Variants in PARP15 observed in about 807,000 individuals in gnomAD.
PARP15 encodes the protein poly(ADP-ribose) polymerase family member 15, also known as protein mono-ADP-ribosyltransferase PARP15.
PARP15 carries 50 observed loss-of-function variants against 62.1 expected under a neutral mutation model. The observed-to-expected ratio is 0.81, with a 90% CI of 0.64 to 1.02. The LOEUF is 1.02. Among genes scored for constraint, PARP15 ranks in the 50% least tolerant of loss-of-function variants. PARP15 has a pLI of 0.00. For missense variants in PARP15, 820 were observed against 826.5 expected, an observed-to-expected ratio of 0.99 and a Z score of 0.10; for synonymous variants, 309 against 293.1, an observed-to-expected ratio of 1.05 and a Z score of -0.55.
intron 1 of PARP15, among the ~76,000 whole-genome samples, chr3:122,585,293 G>C (rs1933330180): frequency 6.6e-6 from 1 of 152,210 alleles, no homozygotes; most frequent in African/African-American, 2.4e-5. Flanking sequence ...GCTGCAGAGA[G>C]TAGTGTTTGC....
At chr3:122,611,778 A>G (rs147664704) in intron 3 of PARP15, among the ~76,000 whole-genome samples, 4,902 of 149,388 alleles carry the variant, frequency 0.033, 272 homozygotes, top group African/African-American at 0.11. Context: ...GCAATGGCAC[A>G]ATCTTGGCTC....
chr3:122,600,792 C>CCT (rs527288579), intron 1 of PARP15, among the ~76,000 whole-genome samples: 2,142 of 144,148 alleles, frequency 0.015, 47 homozygotes, highest in African/African-American at 0.049. Flanking sequence ...TCATTATTAC[C>CCT]TTTTTTTTTT....
At chr3:122,627,714 A>C (rs531594601) in intron 9 of PARP15, among the ~76,000 whole-genome samples, 1 of 152,354 alleles carries the variant, frequency 6.6e-6, no homozygotes, top group Admixed American at 6.5e-5. Context: ...GATAAGGCAC[A>C]TATGCCATCA....
At chr3:122,615,043 A>G (rs921559043) in intron 4 of PARP15, 2 of 966,302 alleles carry the variant, frequency 2.1e-6, no homozygotes, top group Non-Finnish European at 2.5e-6. Context: ...AAAAAAAAAA[A>G]AAAGAAAAGA....
At chr3:122,610,960 T>C (rs1935524444) in intron 3 of PARP15, among the ~76,000 whole-genome samples, 1 of 152,168 alleles carries the variant, frequency 6.6e-6, no homozygotes, top group South Asian at 2.1e-4. Flanking sequence ...TGTGAAACCC[T>C]CGTATTGATT....
rs1397279287 is a variant in PARP15 at position 122,610,611 on chromosome 3, C to T, written c.424C>T (p.Arg142Trp). The T allele has an allele frequency of 1.6e-5, 25 of 1,551,464 alleles. No individual in the cohort carries two copies. Among genetic ancestry groups the T allele is most frequent in the Middle Eastern group, 1.7e-4 (1 of 6,014 alleles). ...CCAGAAAGAGTTAGATGACAGAAGG[C>T]GGGAAACAGAGGAAAAAGTAGGTAA... Reference protein sequence around the residue: ...MLQKELDDRRRETEEKVGNIF... With the variant: ...MLQKELDDRRWETEEKVGNIF... The change falls in exon 3 of 12, where the codon CGG becomes TGG. Residue 142 changes from arginine (R) to tryptophan (W), a missense_variant. Transcript: ENST00000464300.
rs1935693239 is a variant in PARP15 at position 122,613,124 on chromosome 3, A to G, written c.627A>G (p.Thr209=). ...CAATCACATTTCCCATGATTGGAAC[A>G]GGAAGTTTGCAGTTTCCCAAAGCTG... is the stretch of plus-strand genomic sequence containing the variant. ...FSSITFPMIG[T]GSLQFPKAVF... Residue 209 remains threonine, a synonymous_variant, in exon 4 of 12, where the codon ACA becomes ACG. Coordinates refer to ENST00000464300, the MANE Select transcript of PARP15 (RefSeq NM_001113523.3). 2 of 1,551,832 alleles carry G rather than the reference A, an allele frequency of 1.3e-6. No homozygotes were observed. The highest frequency in any genetic ancestry group is 1.7e-6 in the Non-Finnish European group (2 of 1,146,994).
chr3:122,631,944 T>C (rs1178636487), intron 9 of PARP15, 142 bp from the exon 10 acceptor site: 9 of 835,658 alleles, frequency 1.1e-5, no homozygotes, highest in Non-Finnish European at 1.5e-5. Context: ...CTGAGGATAA[T>C]AGAAGAAGCA....
intron 1 of PARP15, among the ~76,000 whole-genome samples, chr3:122,589,801 AT>A (rs1436029633): frequency 6.8e-6 from 1 of 146,418 alleles, no homozygotes; most frequent in Non-Finnish European, 1.5e-5. Flanking sequence ...ATTTGAAAAT[AT>A]TTTCTTCCAT....
intron 9 of PARP15, among the ~76,000 whole-genome samples, chr3:122,629,542 C>T (rs1256389936): frequency 6.6e-6 from 1 of 152,078 alleles, no homozygotes; most frequent in African/African-American, 2.4e-5. Flanking sequence ...ACTTTTTGGG[C>T]CCAGGGACCA....
At chr3:122,621,664 A>G in intron 8 of PARP15, 53 bp downstream of exon 8, 1 of 1,495,298 alleles carries the variant, frequency 6.7e-7, no homozygotes, top group Non-Finnish European at 9.0e-7. Context: ...ATTCCTTTAG[A>G]ATTAGTCTCA....
intron 3 of PARP15, among the ~76,000 whole-genome samples, 192 bp downstream of exon 3, chr3:122,610,922 C>G (rs1935521446): frequency 6.6e-6 from 1 of 152,130 alleles, no homozygotes; most frequent in Non-Finnish European, 1.5e-5. Flanking sequence ...ACACCAGCCC[C>G]CACAACAAAG....
At chr3:122,605,390 G>C (rs1392319528) in intron 1 of PARP15, among the ~76,000 whole-genome samples, 1 of 152,116 alleles carries the variant, frequency 6.6e-6, no homozygotes, top group African/African-American at 2.4e-5. Context: ...TAGGATTCTT[G>C]GGGGGAATAA....
chr3:122,611,092 G>A (rs1028703794), intron 3 of PARP15, among the ~76,000 whole-genome samples: 1 of 152,112 alleles, frequency 6.6e-6, no homozygotes, highest in African/African-American at 2.4e-5. Context: ...TACAGGAGTG[G>A]TGTCTAAGTT....
intron 10 of PARP15, among the ~76,000 whole-genome samples, chr3:122,634,456 AAAG>A (rs1332622137): frequency 2.0e-5 from 3 of 152,194 alleles, no homozygotes; most frequent in Non-Finnish European, 4.4e-5. Flanking sequence ...GATATTTTGA[AAAG>A]AAGTGAAAGA....
rs146685706 is a variant in PARP15 at position 122,577,819 on chromosome 3, G to T, written c.152G>T (p.Arg51Leu). 3.9e-6 allele frequency: 6 copies of T among 1,550,644 alleles called. No homozygotes were observed. Among genetic ancestry groups the T allele is most frequent in the East Asian group, 2.4e-5 (1 of 40,878 alleles). Residue 51 changes from arginine to leucine, a missense_variant, in exon 1 of 12, where the codon CGG becomes CTG. By Grantham distance (102) the Arg-to-Leu change is moderately radical (BLOSUM62 -2). This residue lies in a region of PARP15 where 731 missense variants were observed against 727.7 expected (regional missense o/e 1.00). Transcript: ENST00000464300. ...CTGCCGGCCGGGAACCGTGGGGCGC[G>T]GAAGGCCTCCCGGCGCTCTTCCTCC... ...SVLPAGNRGA[R>L]KASRRSSSRS...
intron 1 of PARP15, chr3:122,594,941 C>T: frequency 1.1e-6 from 1 of 883,490 alleles, no homozygotes; most frequent in Non-Finnish European, 1.4e-6. Flanking sequence ...TTCAGTATTT[C>T]CCAGAGGAGG....
At chr3:122,615,098 T>G in intron 4 of PARP15, 1 of 979,428 alleles carries the variant, frequency 1.0e-6, no homozygotes. Context: ...GTAGAAACAG[T>G]CCCAAAGATA....
intron 4 of PARP15, among the ~76,000 whole-genome samples, chr3:122,614,392 T>G (rs1230834123): frequency 1.3e-5 from 2 of 152,180 alleles, no homozygotes; most frequent in Admixed American, 1.3e-4. Flanking sequence ...CCATTCTGGA[T>G]GGAAGTGTGG....
Sources: gnomAD v4.1 joint callset for allele counts (sites outside exome capture counted in the v4.1 genomes callset) on GRCh38, gnomAD v4.1.1 for gene constraint, gnomAD v4.1.1 regional missense constraint, MANE v1.5 for transcripts, NCBI Gene and HGNC (gene_info 2026-07-23, HGNC 2026-07-21) for gene names.